Variants in FLNB observed in about 807,000 individuals in gnomAD.
The protein encoded by FLNB is filamin B, also known as filamin-B.
In FLNB, 111 loss-of-function variants were observed where a neutral mutation model predicts 250.6. The ratio of observed to expected loss-of-function variants is 0.44; its 90% CI spans 0.38 to 0.52. The LOEUF (loss-of-function observed/expected upper bound fraction) is 0.52. Among genes scored for constraint, FLNB ranks in the 20% least tolerant of loss-of-function variants. The probability of loss-of-function intolerance (pLI) is 0.00; values close to 1 mark genes in which losing one functional copy is unlikely to be tolerated. For synonymous variants in FLNB, 1,302 were observed against 1,372.1 expected (o/e 0.95, Z 1.13); for missense variants, 2,869 against 3,447.8 (o/e 0.83, Z 4.20).
At chr3:58,105,026 A>G (rs919534338) in intron 10 of FLNB, 54 bp from the exon 11 acceptor site, 15 of 1,611,268 alleles carry the variant, frequency 9.3e-6, no homozygotes, top group Middle Eastern at 1.6e-4. Context: ...TTATGGCTAT[A>G]GTGACACCTT....
At chr3:58,162,044 C>T (rs2097362633) in intron 42 of FLNB, among the ~76,000 whole-genome samples, 1 of 152,300 alleles carries the variant, frequency 6.6e-6, no homozygotes, top group African/African-American at 2.4e-5. Flanking sequence ...AGGGACCACA[C>T]CTGGACATGG....
rs1248814991 is a variant in FLNB at position 58,146,913 on chromosome 3, C to T, written c.5648C>T (p.Thr1883Ile). 14 of 1,614,200 alleles carry T rather than the reference C, an allele frequency of 8.7e-6. No individual in the cohort carries two copies. Among genetic ancestry groups the T allele is most frequent in the Non-Finnish European group, 1.1e-5 (13 of 1,180,032 alleles). The change falls in exon 34 of 46, where the codon ACT (threonine) becomes ATT (isoleucine). Residue 1883 changes from threonine (T) to isoleucine (I), a missense_variant. Around this residue, in one of 5 missense-constraint regions of FLNB, gnomAD observed 1,084 missense variants for 1,315.5 expected, o/e 0.82. Coordinates refer to ENST00000295956, the MANE Select transcript of FLNB (RefSeq NM_001457.4). ...ACATGCACAGTGACCTACCTGCCGACTCTGCCAGGCGACTACAGCATTCTG... is the reference window on the plus strand; with the variant it reads ...ACATGCACAGTGACCTACCTGCCGATTCTGCCAGGCGACTACAGCATTCTG... ...DGTCTVTYLP[T>I]LPGDYSILVK...
chr3:58,151,818 GC>G (rs1312272272), intron 38 of FLNB, among the ~76,000 whole-genome samples: 1 of 152,338 alleles, frequency 6.6e-6, no homozygotes, highest in South Asian at 2.1e-4. Context: ...TGGGCTGGAT[GC>G]CCAGGAGTGG....
At chr3:58,076,981 A>G (rs1046557852) in intron 1 of FLNB, 65 bp from the exon 2 acceptor site, 11 of 1,566,646 alleles carry the variant, frequency 7.0e-6, no homozygotes, top group Non-Finnish European at 9.7e-6. Flanking sequence ...TTACATTTAT[A>G]TAAGGAGCAT....
chr3:58,055,962 A>G lies in FLNB; in HGVS notation c.293-21084A>G, dbSNP rs1476360044. ...AAGGATAGTTTGTGCTATCTAAAAC[A>G]GTCAATGACAGGAGAAAATCTGATT... is the stretch of plus-strand genomic sequence containing the variant. On this transcript the variant is annotated intron_variant, in intron 1 of 45. Transcript: ENST00000295956. Among the ~76,000 whole-genome samples, 10 of 152,276 alleles carry G rather than the reference A, an allele frequency of 6.6e-5. No homozygotes were observed. The East Asian group carries it at 1.9e-3, about 29-fold the overall frequency.
chr3:58,067,088 C>T (rs2097186646), intron 1 of FLNB, among the ~76,000 whole-genome samples: 1 of 152,176 alleles, frequency 6.6e-6, no homozygotes, highest in Non-Finnish European at 1.5e-5. Flanking sequence ...AAATCCTGGC[C>T]ACGACTCCCC....
At chr3:58,074,517 A>G (rs1559674832) in intron 1 of FLNB, among the ~76,000 whole-genome samples, 1 of 152,240 alleles carries the variant, frequency 6.6e-6, no homozygotes, top group East Asian at 1.9e-4. Context: ...GTGAAGCTAG[A>G]TTCAAACAGT....
intron 4 of FLNB, among the ~76,000 whole-genome samples, chr3:58,093,103 C>T (rs568469774): frequency 6.6e-6 from 1 of 152,216 alleles, no homozygotes. Flanking sequence ...TTACCCCTTC[C>T]TCATGTTATG....
intron 2 of FLNB, 152 bp downstream of exon 2, chr3:58,077,446 A>T: frequency 9.9e-7 from 1 of 1,005,212 alleles, no homozygotes; most frequent in Non-Finnish European, 1.4e-6. Context: ...GGAAACTAAA[A>T]CTGGCTCTGT....
At chr3:58,124,300 G>A (rs1559711380) in intron 21 of FLNB, 32 bp from the exon 22 acceptor site, 1 of 1,613,546 alleles carries the variant, frequency 6.2e-7, no homozygotes. Flanking sequence ...TGGGGTACTG[G>A]TGGCAGTGTT....
chr3:58,113,246 A>T (rs918481663), intron 18 of FLNB, among the ~76,000 whole-genome samples: 9 of 152,222 alleles, frequency 5.9e-5, no homozygotes, highest in African/African-American at 2.2e-4. Flanking sequence ...TGGAGAGCAG[A>T]CATCCTGGCA....
At chr3:58,072,561 G>A (rs2097196188) in intron 1 of FLNB, among the ~76,000 whole-genome samples, 1 of 152,184 alleles carries the variant, frequency 6.6e-6, no homozygotes, top group South Asian at 2.1e-4. Flanking sequence ...GGCTTGGGGA[G>A]TCTCCTATTT....
In FLNB at chr3:58,121,253, G is replaced by A; in HGVS notation, c.2876G>A (p.Gly959Glu). The change falls in exon 20 of 46, where the codon GGG becomes GAG. Residue 959 changes from glycine to glutamate, a missense_variant. Physicochemically the swap from Gly to Glu is moderately conservative, Grantham distance 98. This residue lies in a region of FLNB where 1,348 missense variants were observed against 1,466.7 expected (regional missense o/e 0.92). Transcript: ENST00000295956. ...LNGLENRVEV[G>E]KDQEFTVDTR... is the part of the protein sequence containing the mutation. ...GTTTCTTTTCCAGGGGTGGAAGTTGGGAAGGATCAGGAGTTCACCGTTGAT... is the reference window on the plus strand; with the variant it reads ...GTTTCTTTTCCAGGGGTGGAAGTTGAGAAGGATCAGGAGTTCACCGTTGAT... 6.2e-7 allele frequency: 1 copy of A among 1,614,122 alleles called. No individual in the cohort carries two copies. Among genetic ancestry groups the A allele is most frequent in the South Asian group, 1.1e-5 (1 of 91,070 alleles).
Position 58,154,887 on chromosome 3 carries a change from A to C in FLNB, c.6731A>C (p.Lys2244Thr). Residue 2244 changes from lysine (K) to threonine (T), a missense_variant, in exon 40 of 46, where the codon AAA (lysine) becomes ACA (threonine). Around this residue, in one of 5 missense-constraint regions of FLNB, gnomAD observed 1,084 missense variants for 1,315.5 expected, o/e 0.82. Transcript: ENST00000295956. ...GCCGAGATTACATTCGATGACCATA[A>C]AAATGGGTCGTGCGGTGTATCTTAT... is the stretch of plus-strand genomic sequence containing the variant. ...SKAEITFDDH[K>T]NGSCGVSYIA... 6.2e-7 allele frequency: 1 copy of C among 1,614,116 alleles called. No individual in the cohort carries two copies. The highest frequency in any genetic ancestry group is 1.1e-5 in the South Asian group (1 of 91,070).
At chr3:58,125,776 C>T in intron 23 of FLNB, 33 bp downstream of exon 23, 1 of 1,608,540 alleles carries the variant, frequency 6.2e-7, no homozygotes, top group Admixed American at 1.7e-5. Flanking sequence ...TGTCTTGAGT[C>T]TCACTTTTGT....
At chr3:58,067,376 C>T (rs968783569) in intron 1 of FLNB, among the ~76,000 whole-genome samples, 1 of 152,102 alleles carries the variant, frequency 6.6e-6, no homozygotes, top group Non-Finnish European at 1.5e-5. Context: ...TTAATTCAAA[C>T]AGCTTCTTTG....
intron 7 of FLNB, among the ~76,000 whole-genome samples, chr3:58,098,327 T>G (rs549240360): frequency 6.6e-6 from 1 of 152,296 alleles, no homozygotes; most frequent in East Asian, 1.9e-4. Flanking sequence ...TCCTGTTTAC[T>G]TGTTTTGTTG....
chr3:58,099,790 G>A (rs2097246328), intron 8 of FLNB, among the ~76,000 whole-genome samples: 1 of 152,144 alleles, frequency 6.6e-6, no homozygotes, highest in African/African-American at 2.4e-5. Context: ...GCTTGTGAAT[G>A]TTAGCTGGGC....
In FLNB at chr3:58,154,789, A is replaced by T; in HGVS notation, c.6635-2A>T. ...ACTAACCAGGTTTCTCTTTGCTCTCAGCTGAGTTCAGCATTTGGACCCGGG... is the reference window on the plus strand; with the variant it reads ...ACTAACCAGGTTTCTCTTTGCTCTCTGCTGAGTTCAGCATTTGGACCCGGG... On this transcript the variant is annotated splice_acceptor_variant, in intron 39 of 45. Coordinates refer to ENST00000295956, the MANE Select transcript of FLNB (RefSeq NM_001457.4). LOFTEE classifies it high-confidence loss of function. The T allele has an allele frequency of 6.2e-7, 1 of 1,613,966 alleles. No individual in the cohort carries two copies. The highest frequency in any genetic ancestry group is 8.5e-7 in the Non-Finnish European group (1 of 1,179,984).
Sources: allele counts gnomAD v4.1 joint callset (sites outside exome capture counted in the v4.1 genomes callset), GRCh38; gene constraint gnomAD v4.1.1; regional missense constraint gnomAD v4.1.1; transcripts MANE v1.5; gene names NCBI Gene and HGNC (gene_info 2026-07-23, HGNC 2026-07-21).